The following SRD5A2 variants were observed in gnomAD, a reference collection of about 807,000 sequenced individuals.
SRD5A2 encodes steroid 5 alpha-reductase 2.
In SRD5A2, 30 loss-of-function variants were observed where a neutral mutation model predicts 27.4. That is an observed-to-expected ratio of 1.10 (90% confidence interval 0.82 to 1.49). The LOEUF (loss-of-function observed/expected upper bound fraction) is 1.49, where lower values mean the gene tolerates loss of function less well. Among genes scored for constraint, SRD5A2 ranks in the 40% most tolerant of loss-of-function variants. SRD5A2 has a pLI of 0.00. For missense variants in SRD5A2, 348 were observed against 323.4 expected (o/e 1.08, Z -0.58); for synonymous variants, 141 against 133.6 (o/e 1.06, Z -0.38).
rs545595315 is a variant in SRD5A2 at position 31,546,156 on chromosome 2, C to G, written c.282-12390G>C. Among the ~76,000 whole-genome samples the G allele has an allele frequency of 2.6e-4, 40 of 151,082 alleles. 1 individual carries two copies. In the South Asian group the frequency reaches 5.6e-3, roughly 21 times the overall value. On this transcript the variant is annotated intron_variant, in intron 1 of 4. Coordinates refer to ENST00000622030, the MANE Select transcript of SRD5A2 (RefSeq NM_000348.4). ...ACACAATCTATTGACTCAATACAAT[C>G]CCTATCAAAATTCCAATGACTTTTT...
intron 1 of SRD5A2, among the ~76,000 whole-genome samples, chr2:31,560,250 A>T (rs1428331246): frequency 6.6e-6 from 1 of 152,116 alleles, no homozygotes; most frequent in Non-Finnish European, 1.5e-5. Context: ...GCTATTTAGA[A>T]ATCTGTCAAG....
intron 1 of SRD5A2, among the ~76,000 whole-genome samples, chr2:31,536,910 G>A (rs1666038812): frequency 6.6e-6 from 1 of 152,068 alleles, no homozygotes; most frequent in South Asian, 2.1e-4. Context: ...ATTCTTTTAT[G>A]TTTGTTCTTA....
At chr2:31,591,398 C>T in the SRD5A2 span, among the ~76,000 whole-genome samples, 40 of 152,234 alleles carry the variant, frequency 2.6e-4, no homozygotes, top group Admixed American at 5.9e-4. Flanking sequence ...TACCATCTCA[C>T]GCCAGTTAAA....
chr2:31,602,878 A>G, the SRD5A2 span, among the ~76,000 whole-genome samples: 6 of 152,090 alleles, frequency 3.9e-5, no homozygotes, highest in African/African-American at 1.2e-4. Context: ...AAGAATTGAT[A>G]CTGGACCCCT....
At chr2:31,580,995 C>T (rs1572375331), upstream of SRD5A2, 2 of 1,367,028 alleles carry the variant, frequency 1.5e-6, no homozygotes, top group East Asian at 5.1e-5. Flanking sequence ...CCCGTGTCCG[C>T]CCCCTCGGCC....
chr2:31,609,626 A>G, the SRD5A2 span, among the ~76,000 whole-genome samples: 1 of 152,158 alleles, frequency 6.6e-6, no homozygotes, highest in Non-Finnish European at 1.5e-5. Context: ...CTCAAAGTGG[A>G]TCAAACACAT....
intron 1 of SRD5A2, among the ~76,000 whole-genome samples, chr2:31,549,984 C>T (rs553430309): frequency 2.0e-5 from 3 of 152,248 alleles, no homozygotes; most frequent in African/African-American, 7.2e-5. Context: ...CAGTAGACCA[C>T]ATCTTATATC....
the SRD5A2 span, among the ~76,000 whole-genome samples, chr2:31,642,363 T>G: frequency 2.0e-5 from 3 of 151,984 alleles, no homozygotes; most frequent in Admixed American, 2.0e-4. Context: ...TCCTTGCATC[T>G]GAATCTATAG....
chr2:31,580,815 T>C lies in SRD5A2; in HGVS notation c.86A>G (p.Lys29Arg), dbSNP rs1402454683. The change falls in exon 1 of 5, where the codon AAG becomes AGG. Residue 29 changes from lysine to arginine, a missense_variant. Coordinates refer to ENST00000622030, the MANE Select transcript of SRD5A2 (RefSeq NM_000348.4). Reference protein sequence around the residue: ...ALGALALYVAKPSGYGKHTES... With the variant: ...ALGALALYVARPSGYGKHTES... ...CGTGTGCTTCCCGTAGCCGGAGGGC[T>C]TCGCGACGTACAAGGCCAGTGCCCC... 1 of 1,612,414 alleles carries C rather than the reference T, an allele frequency of 6.2e-7. No individual in the cohort carries two copies. Among genetic ancestry groups the C allele is most frequent in the Admixed American group, 1.7e-5 (1 of 59,996 alleles).
chr2:31,649,233 G>C, the SRD5A2 span, among the ~76,000 whole-genome samples: 1 of 152,154 alleles, frequency 6.6e-6, no homozygotes, highest in African/African-American at 2.4e-5. Flanking sequence ...AGAAGAGAAT[G>C]ACTATTTTCT....
chr2:31,624,631 G>A, the SRD5A2 span, among the ~76,000 whole-genome samples: 3 of 152,030 alleles, frequency 2.0e-5, no homozygotes, highest in Admixed American at 6.6e-5. Flanking sequence ...CCTTGCGATA[G>A]TTTGCTGAGA....
chr2:31,557,115 C>T (rs1372553948), intron 1 of SRD5A2, among the ~76,000 whole-genome samples: 1 of 152,180 alleles, frequency 6.6e-6, no homozygotes, highest in Non-Finnish European at 1.5e-5. Flanking sequence ...AGTATCTGCT[C>T]TCTAGCATTT....
At chr2:31,635,574 G>A in the SRD5A2 span, among the ~76,000 whole-genome samples, 2 of 151,838 alleles carry the variant, frequency 1.3e-5, no homozygotes, top group Non-Finnish European at 2.9e-5. Flanking sequence ...AATCCCAATT[G>A]TCTCTTTTAC....
the SRD5A2 span, among the ~76,000 whole-genome samples, chr2:31,658,170 G>C: frequency 6.6e-6 from 1 of 152,090 alleles, no homozygotes; most frequent in African/African-American, 2.4e-5. Context: ...AAAATTCTTT[G>C]AAGCAAATGA....
At chr2:31,550,082 A>G (rs1224678251) in intron 1 of SRD5A2, among the ~76,000 whole-genome samples, 1 of 152,134 alleles carries the variant, frequency 6.6e-6, no homozygotes, top group Non-Finnish European at 1.5e-5. Context: ...GAGATCAGAC[A>G]TAATAATAAC....
At chr2:31,540,590 C>T (rs1323582599) in intron 1 of SRD5A2, among the ~76,000 whole-genome samples, 1 of 152,178 alleles carries the variant, frequency 6.6e-6, no homozygotes, top group Non-Finnish European at 1.5e-5. Context: ...GAATCTGTCT[C>T]CCTGCTTAGG....
At chr2:31,577,870 C>A (rs543277844) in intron 1 of SRD5A2, among the ~76,000 whole-genome samples, 4 of 152,136 alleles carry the variant, frequency 2.6e-5, no homozygotes, top group Non-Finnish European at 5.9e-5. Context: ...ATAGATCTAA[C>A]CTTTGAAAAG....
In SRD5A2 at chr2:31,525,019, G is replaced by C. The variant is rs1665743331; in HGVS notation, c.*1177C>G. ...CTAGAGTTTTATGAAGGAATCTCCT[G>C]ATTTTTAAGTTTTTGAAACTTTGTA... On this transcript the variant is annotated 3_prime_UTR_variant, in exon 5 of 5. Coordinates refer to ENST00000622030, the MANE Select transcript of SRD5A2 (RefSeq NM_000348.4). The C allele has an allele frequency of 4.7e-6, 1 of 213,434 alleles. No homozygotes were observed. The highest frequency in any genetic ancestry group is 9.4e-6 in the Non-Finnish European group (1 of 106,078). 13.2% of individuals were successfully genotyped at this position (213,434 alleles called of 1,614,324 possible).
At chr2:31,623,415 T>A in the SRD5A2 span, among the ~76,000 whole-genome samples, 493 of 152,162 alleles carry the variant, frequency 3.2e-3, 1 homozygote, top group African/African-American at 0.012. Flanking sequence ...CAAATGCAAA[T>A]TTCAACAATG....
Sources: allele counts gnomAD v4.1 joint callset (sites outside exome capture counted in the v4.1 genomes callset), GRCh38; gene constraint gnomAD v4.1.1; transcripts MANE v1.5; gene names NCBI Gene and HGNC (gene_info 2026-07-23, HGNC 2026-07-21).